ZC3H7B: variants seen among roughly 807,000 people sequenced by gnomAD.
ZC3H7B encodes zinc finger CCCH domain-containing protein 7B.
Under a neutral mutation model 116.0 loss-of-function variants are expected in ZC3H7B, and 35 were observed. The observed-to-expected ratio is 0.30, with a 90% CI of 0.23 to 0.40. The LOEUF (loss-of-function observed/expected upper bound fraction) is 0.40, where lower values mean the gene tolerates loss of function less well. Among genes scored for constraint, ZC3H7B ranks in the 10% least tolerant of loss-of-function variants. The pLI is 1.00. For missense variants in ZC3H7B, 1,011 were observed against 1,321.5 expected, an observed-to-expected ratio of 0.77 and a Z score of 3.64; for synonymous variants, 502 against 545.6, an observed-to-expected ratio of 0.92 and a Z score of 1.11.
chr22:41,356,635 G>A lies in ZC3H7B; in HGVS notation c.2518-10G>A. 1.2e-6 allele frequency: 2 copies of A among 1,613,248 alleles called. No individual in the cohort carries two copies. Among genetic ancestry groups the A allele is most frequent in the Non-Finnish European group, 1.7e-6 (2 of 1,179,934 alleles). On this transcript the variant is annotated splice_polypyrimidine_tract_variant and intron_variant, in intron 21 of 22. Coordinates refer to ENST00000352645, the MANE Select transcript of ZC3H7B (RefSeq NM_017590.6). ...GGGGGAGCAGGCACCCATGATGGCT[G>A]TGCTCCCAGATGGGCTACCACTGCT...
At chr22:41,320,807 T>A in intron 2 of ZC3H7B, 94 bp downstream of exon 2, 1 of 1,555,108 alleles carries the variant, frequency 6.4e-7, no homozygotes, top group Non-Finnish European at 8.8e-7. Flanking sequence ...TTCTTGCTGC[T>A]GAGCCTTTGC....
chr22:41,327,256 C>T lies in ZC3H7B; in HGVS notation c.336C>T (p.Asp112=), dbSNP rs1243008239. The change falls in exon 5 of 23, where the codon GAC becomes GAT. Residue 112 remains aspartate (D), a synonymous_variant. Transcript: ENST00000352645. This position sits in a 1 kb window ranked among gnomAD's most constrained non-coding sequence, Gnocchi z 4.5. ...ACAGCGAGAAGGCGCTGGGCCTGGA[C>T]AGTGAGAGTATCCGGGCGTTGTTCC... ...LEDSEKALGL[D]SESIRALFRK... is the part of the protein sequence containing the mutation. The T allele has an allele frequency of 6.2e-7, 1 of 1,613,980 alleles. No individual in the cohort carries two copies. Among genetic ancestry groups the T allele is most frequent in the African/African-American group, 1.3e-5 (1 of 74,950 alleles).
Position 41,355,840 on chromosome 22 carries a change from G to A in ZC3H7B, c.2252G>A (p.Arg751His), listed in dbSNP as rs764761875. Residue 751 changes from arginine to histidine, a missense_variant, in exon 19 of 23, where the codon CGT becomes CAT. Arg to His is a conservative substitution (Grantham distance 29). Coordinates refer to ENST00000352645, the MANE Select transcript of ZC3H7B (RefSeq NM_017590.6). Reference protein sequence around the residue: ...WVSVRPLPSIRNFPQQYDLCI... With the variant: ...WVSVRPLPSIHNFPQQYDLCI... ...TCAGTGAGGCCACTGCCATCCATTC[G>A]TAACTTCCCACAGCAATACGATGTG... 1.4e-5 allele frequency: 23 copies of A among 1,613,606 alleles called. No homozygotes were observed. The highest frequency in any genetic ancestry group is 2.7e-5 in the African/African-American group (2 of 74,908).
chr22:41,355,154 C>T (rs1222235347), intron 17 of ZC3H7B, among the ~76,000 whole-genome samples: 1 of 152,222 alleles, frequency 6.6e-6, no homozygotes, highest in Non-Finnish European at 1.5e-5. Context: ...GCAGCGGGAA[C>T]AGCCTGTACA....
At chr22:41,329,625 C>T (rs898805807) in intron 5 of ZC3H7B, among the ~76,000 whole-genome samples, 4 of 152,178 alleles carry the variant, frequency 2.6e-5, no homozygotes, top group Admixed American at 2.6e-4. Flanking sequence ...GGAAACACAT[C>T]AGCCCAGCAG....
chr22:41,330,162 G>A, intron 6 of ZC3H7B, 59 bp downstream of exon 6: 3 of 1,583,070 alleles, frequency 1.9e-6, no homozygotes, highest in Non-Finnish European at 1.7e-6. Context: ...CTGAAGGGAG[G>A]GACCAGGCTC....
At chr22:41,312,088 C>T (rs868251164) in intron 1 of ZC3H7B, among the ~76,000 whole-genome samples, 4 of 147,076 alleles carry the variant, frequency 2.7e-5, no homozygotes, top group South Asian at 4.3e-4. Context: ...ACCCGGGAGG[C>T]GGAGCTTGCA....
At chr22:41,324,941 A>G (rs140100989) in intron 2 of ZC3H7B, among the ~76,000 whole-genome samples, 1 of 152,144 alleles carries the variant, frequency 6.6e-6, no homozygotes, top group African/African-American at 2.4e-5. Flanking sequence ...CCCCTGCACC[A>G]TCCTCTCCTC....
At chr22:41,317,334 CA>C (rs998517295) in intron 1 of ZC3H7B, among the ~76,000 whole-genome samples, 2 of 152,020 alleles carry the variant, frequency 1.3e-5, no homozygotes, top group African/African-American at 4.8e-5. Flanking sequence ...GGGCAACAGC[CA>C]TGTGGTGCAG....
At chr22:41,347,267 C>T (rs1052678227) in intron 14 of ZC3H7B, among the ~76,000 whole-genome samples, 3 of 152,250 alleles carry the variant, frequency 2.0e-5, no homozygotes, top group Non-Finnish European at 4.4e-5. Context: ...GTATTTGGCA[C>T]TGCTTAGCCG....
At chr22:41,315,353 T>TTTG (rs372055242) in intron 1 of ZC3H7B, among the ~76,000 whole-genome samples, 4 of 12,456 alleles carry the variant, frequency 3.2e-4, no homozygotes, top group African/African-American at 1.1e-3. Flanking sequence ...ATTTCTAGTG[T>TTTG]TTTTTTTTTT....
At position 41,338,760 on chromosome 22, in the gene ZC3H7B, T is replaced by G. The variant is rs1349920593; in HGVS notation, c.626-241T>G. On this transcript the variant is annotated intron_variant, in intron 8 of 22. Coordinates refer to ENST00000352645, the MANE Select transcript of ZC3H7B (RefSeq NM_017590.6). This position sits in a 1 kb window ranked among gnomAD's most constrained non-coding sequence, Gnocchi z 4.5. ...GCAGCAGTGGTGGACATTTAGGCAT[T>G]GAGCCTGGGCCAAGGATTGACATCA... Among the ~76,000 whole-genome samples the G allele has an allele frequency of 6.6e-6, 1 of 152,148 alleles. No individual in the cohort carries two copies. Among genetic ancestry groups the G allele is most frequent in the Non-Finnish European group, 1.5e-5 (1 of 68,010 alleles).
intron 9 of ZC3H7B, 73 bp from the exon 10 acceptor site, chr22:41,339,743 C>G (rs1945423249): frequency 6.9e-7 from 1 of 1,443,962 alleles, no homozygotes; most frequent in Admixed American, 2.2e-5. Context: ...CCTTGCTTCC[C>G]CAAGTCCTGA....
Position 41,349,223 on chromosome 22 carries a change from G to T in ZC3H7B, c.1870G>T (p.Gly624Cys). Residue 624 changes from glycine (G) to cysteine (C), a missense_variant, in exon 16 of 23, where the codon GGC (glycine) becomes TGC (cysteine). This residue lies in a region of ZC3H7B where 406 missense variants were observed against 590.2 expected (regional missense o/e 0.69). Transcript: ENST00000352645. This position sits in a 1 kb window ranked among gnomAD's most constrained non-coding sequence, Gnocchi z 4.9. ...FDVCRHEVRY[G>C]CLREDSCHFA... Reference sequence around the variant, plus strand: ...CGTGTGCCGCCATGAGGTGCGCTACGGCTGCCTGCGGGAGGACAGCTGCCA... The same window carrying T: ...CGTGTGCCGCCATGAGGTGCGCTACTGCTGCCTGCGGGAGGACAGCTGCCA... The T allele has an allele frequency of 6.2e-7, 1 of 1,613,628 alleles. No individual in the cohort carries two copies. Among genetic ancestry groups the T allele is most frequent in the South Asian group, 1.1e-5 (1 of 91,088 alleles).
chr22:41,357,682 TGAG>T lies in ZC3H7B; in HGVS notation c.*258_*260del. The stretch of plus-strand genomic sequence containing the variant: ...CCCCCACCCCCACGGCTCTCCTGGT[TGAG>T]GAGGGAGGGGCCTGGCTGACCCCTC... On this transcript the variant is annotated 3_prime_UTR_variant, in exon 23 of 23. Coordinates refer to ENST00000352645, the MANE Select transcript of ZC3H7B (RefSeq NM_017590.6). This position sits in a 1 kb window ranked among gnomAD's most constrained non-coding sequence, Gnocchi z 5.4. 1 of 565,624 alleles carries T rather than the reference TGAG, an allele frequency of 1.8e-6. No homozygotes were observed. Among genetic ancestry groups the T allele is most frequent in the Non-Finnish European group, 3.1e-6 (1 of 320,426 alleles). The allele number at this position is 565,624 out of a possible 1,614,324, so 35.0% of individuals were successfully genotyped here.
chr22:41,308,171 T>C (rs556103114), intron 1 of ZC3H7B, among the ~76,000 whole-genome samples: 16 of 152,238 alleles, frequency 1.1e-4, no homozygotes, highest in African/African-American at 3.8e-4. Flanking sequence ...TTTGTGTTAC[T>C]GAAGTGCTGG....
intron 10 of ZC3H7B, 133 bp from the exon 11 acceptor site, chr22:41,340,955 G>T: frequency 1.3e-6 from 1 of 779,734 alleles, no homozygotes; most frequent in Admixed American, 2.5e-5. Flanking sequence ...AGAGTCAGGG[G>T]TTCAGCAGGA....
rs2036327738 is a variant in ZC3H7B at position 41,327,012 on chromosome 22, C to T, written c.286-194C>T. Among the ~76,000 whole-genome samples, 1 of 152,224 alleles carries T rather than the reference C, an allele frequency of 6.6e-6. No homozygotes were observed. Among genetic ancestry groups the T allele is most frequent in the African/African-American group, 2.4e-5 (1 of 41,456 alleles). ...GCCCCATCAGCTGGACACACAGACA[C>T]CCTTGATCAGAGTCTGGACACCAGA... is the stretch of plus-strand genomic sequence containing the variant. On this transcript the variant is annotated intron_variant, in intron 4 of 22. Transcript: ENST00000352645. The surrounding 1 kb of genome is among the most constrained non-coding windows in gnomAD (Gnocchi z 4.5).
At chr22:41,308,403 G>A (rs1601759884) in intron 1 of ZC3H7B, among the ~76,000 whole-genome samples, 1 of 152,274 alleles carries the variant, frequency 6.6e-6, no homozygotes, top group Middle Eastern at 3.4e-3. Flanking sequence ...CTGGCTGTAT[G>A]ATGGAGGCAT....
Sources: gnomAD v4.1 joint callset for allele counts (sites outside exome capture counted in the v4.1 genomes callset) on GRCh38, gnomAD v4.1.1 for gene constraint, gnomAD v4.1.1 regional missense constraint, Gnocchi (gnomAD v3.1) non-coding constraint, MANE v1.5 for transcripts, NCBI Gene and HGNC (gene_info 2026-07-23, HGNC 2026-07-21) for gene names.